Variants in APOL2 observed in about 807,000 individuals in gnomAD.
APOL2 encodes apolipoprotein L2, also known as apolipoprotein L, 2.
APOL2 carries 8 observed loss-of-function variants against 7.1 expected under a neutral mutation model. The observed-to-expected ratio is 1.12, with a 90% confidence interval of 0.66 to 2.03. APOL2 has a LOEUF of 2.03. APOL2 is among the 30% of genes most tolerant of loss of function. The probability of loss-of-function intolerance (pLI) is 0.00; values close to 1 mark genes in which losing one functional copy is unlikely to be tolerated. For missense variants in APOL2, 471 were observed against 415.1 expected, an observed-to-expected ratio of 1.13 and a Z score of -1.17; for synonymous variants, 177 against 159.9, an observed-to-expected ratio of 1.11 and a Z score of -0.81.
chr22:36,238,721 C>T (rs568411565), intron 1 of APOL2, among the ~76,000 whole-genome samples: 36 of 152,290 alleles, frequency 2.4e-4, no homozygotes, highest in Admixed American at 2.0e-3. Flanking sequence ...CTTCTCACTC[C>T]CCTGTCTCAG....
chr22:36,239,710 G>C (rs5756111), upstream of APOL2: 9 of 569,054 alleles, frequency 1.6e-5, no homozygotes, highest in South Asian at 1.5e-4. Flanking sequence ...CCAGACATCC[G>C]GGTCCCTCTC....
intron 4 of APOL2, among the ~76,000 whole-genome samples, chr22:36,228,566 C>T (rs1208990226): frequency 6.6e-6 from 1 of 152,198 alleles, no homozygotes; most frequent in African/African-American, 2.4e-5. Context: ...GGCAGGTCAA[C>T]ACCGTGACTG....
At chr22:36,234,587 T>C (rs534822523) in intron 1 of APOL2, among the ~76,000 whole-genome samples, 3 of 152,200 alleles carry the variant, frequency 2.0e-5, no homozygotes, top group Non-Finnish European at 2.9e-5. Context: ...CAAATGTTAA[T>C]CATATTAATC....
chr22:36,233,354 A>G (rs746369273), intron 2 of APOL2, 48 bp downstream of exon 2: 1 of 1,568,436 alleles, frequency 6.4e-7, no homozygotes, highest in Admixed American at 1.9e-5. Context: ...AAATGTCCAG[A>G]GTGTTTATCT....
rs1470309045 is a variant in APOL2, at chr22:36,228,117, C to T, written c.301G>A (p.Ala101Thr). 4.3e-6 allele frequency: 7 copies of T among 1,614,228 alleles called. No individual in the cohort carries two copies. The South Asian group carries it at 7.7e-5, about 18-fold the overall frequency. ...ELEDHIRKLRALAEEVEQVHR... is the reference protein window; with the variant it reads ...ELEDHIRKLRTLAEEVEQVHR... ...ACCTGCTCAACCTCCTCTGCAAGGG[C>T]ACGGAGCTTCCTTATGTGATCCTCA... is the stretch of plus-strand genomic sequence containing the variant. The change falls in exon 5 of 5, where the codon GCC (alanine) becomes ACC (threonine). Residue 101 changes from alanine (A) to threonine (T), a missense_variant. Ala to Thr is a moderately conservative substitution (Grantham distance 58). Transcript: ENST00000358502.
chr22:36,238,918 A>G (rs1172732823), intron 1 of APOL2, among the ~76,000 whole-genome samples: 2 of 152,146 alleles, frequency 1.3e-5, no homozygotes, highest in East Asian at 3.9e-4. Context: ...GGCCTGGCAC[A>G]AGTAGGTGCT....
chr22:36,236,565 G>A (rs1292942148), intron 1 of APOL2: 6 of 985,202 alleles, frequency 6.1e-6, no homozygotes, highest in Non-Finnish European at 7.2e-6. Context: ...AGTTAGGGGC[G>A]GCTCCAAAAT....
intron 1 of APOL2, chr22:36,239,179 C>A: frequency 7.9e-7 from 1 of 1,259,746 alleles, no homozygotes; most frequent in Non-Finnish European, 1.0e-6. Flanking sequence ...GTGTCAGAAC[C>A]AGAGCTGAGC....
chr22:36,236,959 G>T (rs1318859806), intron 1 of APOL2: 9 of 1,358,030 alleles, frequency 6.6e-6, no homozygotes, highest in Non-Finnish European at 8.5e-6. Context: ...TGACACCCTA[G>T]GCCAGGGGAG....
chr22:36,232,399 A>T (rs1414707643), intron 3 of APOL2, among the ~76,000 whole-genome samples: 2 of 152,170 alleles, frequency 1.3e-5, no homozygotes, highest in Non-Finnish European at 2.9e-5. Flanking sequence ...AACACAGATG[A>T]GGGGACTGGG....
rs747449868 is a variant in APOL2, at chr22:36,227,403, G to A, written c.*1C>T. ...GCCCTGGTGGCTGCACTGCTCTGGG[G>A]TCATTGGTCTTGGCCTGGCTGCAGC... On this transcript the variant is annotated 3_prime_UTR_variant, in exon 5 of 5. Coordinates refer to ENST00000358502, the MANE Select transcript of APOL2 (RefSeq NM_030882.4). 4 of 1,604,606 alleles carry A rather than the reference G, an allele frequency of 2.5e-6. No individual in the cohort carries two copies. Among genetic ancestry groups the A allele is most frequent in the East Asian group, 2.2e-5 (1 of 44,860 alleles).
chr22:36,239,591 C>G, upstream of APOL2: 1 of 1,338,344 alleles, frequency 7.5e-7, no homozygotes, highest in South Asian at 1.2e-5. Flanking sequence ...GTGAAAGTCA[C>G]AACTTCCCAG....
Position 36,227,402 on chromosome 22 carries a change from G to A in APOL2, c.*2C>T. 6.2e-7 allele frequency: 1 copy of A among 1,604,334 alleles called. No individual in the cohort carries two copies. Among genetic ancestry groups the A allele is most frequent in the Non-Finnish European group, 8.5e-7 (1 of 1,175,016 alleles). ...TGCCCTGGTGGCTGCACTGCTCTGG[G>A]GTCATTGGTCTTGGCCTGGCTGCAG... On this transcript the variant is annotated 3_prime_UTR_variant, in exon 5 of 5. Coordinates refer to ENST00000358502, the MANE Select transcript of APOL2 (RefSeq NM_030882.4).
intron 1 of APOL2, 121 bp downstream of exon 1, chr22:36,239,320 T>C: frequency 2.2e-6 from 3 of 1,348,104 alleles, no homozygotes; most frequent in Non-Finnish European, 2.9e-6. Flanking sequence ...TGCTTTCCTG[T>C]CTGATCTGAA....
Position 36,227,371 on chromosome 22 carries a change from C to T in APOL2, c.*33G>A. 6.5e-7 allele frequency: 1 copy of T among 1,536,092 alleles called. No homozygotes were observed. The highest frequency in any genetic ancestry group is 8.8e-7 in the Non-Finnish European group (1 of 1,142,074). On this transcript the variant is annotated 3_prime_UTR_variant, in exon 5 of 5. Coordinates refer to ENST00000358502, the MANE Select transcript of APOL2 (RefSeq NM_030882.4). ...GCATTTTGTCCTGGCCTGTGCCCGGCATTTCTGCCCTGGTGGCTGCACTGC... is the reference window on the plus strand; with the variant it reads ...GCATTTTGTCCTGGCCTGTGCCCGGTATTTCTGCCCTGGTGGCTGCACTGC...
intron 1 of APOL2, among the ~76,000 whole-genome samples, chr22:36,238,322 T>G (rs1177567363): frequency 6.6e-6 from 1 of 152,150 alleles, no homozygotes; most frequent in Non-Finnish European, 1.5e-5. Context: ...TCTTTCTATC[T>G]TGATGGGCAT....
chr22:36,228,661 G>C (rs1002087968), intron 4 of APOL2, among the ~76,000 whole-genome samples: 2 of 152,170 alleles, frequency 1.3e-5, no homozygotes, highest in Admixed American at 6.5e-5. Context: ...CAGGATGGCA[G>C]GAAAGTGAAG....
intron 1 of APOL2, 105 bp from the exon 2 acceptor site, chr22:36,233,560 G>T: frequency 1.9e-6 from 2 of 1,046,894 alleles, no homozygotes; most frequent in Non-Finnish European, 1.4e-6. Flanking sequence ...GGAACATTCT[G>T]ACAATGACCT....
In APOL2 at chr22:36,226,926, A is replaced by C. The variant is rs752438644; in HGVS notation, c.*478T>G. The C allele has an allele frequency of 1.2e-5, 2 of 164,170 alleles. No individual in the cohort carries two copies. Among genetic ancestry groups the C allele is most frequent in the Non-Finnish European group, 2.6e-5 (2 of 75,498 alleles). The allele number at this position is 164,170 out of a possible 1,614,324, so 10.2% of individuals were successfully genotyped here. A position where few individuals can be genotyped will look rare whatever the true frequency, so the allele number is the denominator to read the frequency against. ...CCTTGGTGCACTTGCCATCTGCATTAACCCCTCCCTTGCTGTGCTCAGCTA... is the reference window on the plus strand; with the variant it reads ...CCTTGGTGCACTTGCCATCTGCATTCACCCCTCCCTTGCTGTGCTCAGCTA... On this transcript the variant is annotated 3_prime_UTR_variant, in exon 5 of 5. Coordinates refer to ENST00000358502, the MANE Select transcript of APOL2 (RefSeq NM_030882.4).
Sources: allele counts gnomAD v4.1 joint callset (sites outside exome capture counted in the v4.1 genomes callset), GRCh38; gene constraint gnomAD v4.1.1; transcripts MANE v1.5; gene names NCBI Gene and HGNC (gene_info 2026-07-23, HGNC 2026-07-21).